The following ZNF662 variants were observed in gnomAD, a reference collection of about 807,000 sequenced individuals.
The protein encoded by ZNF662 is zinc finger protein 662.
A neutral mutation model predicts 12.4 loss-of-function variants in ZNF662; 14 were observed. That is an observed-to-expected ratio of 1.13 (90% CI 0.75 to 1.77). The LOEUF (loss-of-function observed/expected upper bound fraction) is 1.77, where lower values mean the gene tolerates loss of function less well. Among genes scored for constraint, ZNF662 ranks in the 40% most tolerant of loss-of-function variants. ZNF662 has a pLI of 0.00. For missense variants in ZNF662, 550 were observed against 515.6 expected, an observed-to-expected ratio of 1.07 and a Z score of -0.65; for synonymous variants, 184 against 176.4, an observed-to-expected ratio of 1.04 and a Z score of -0.34.
rs1435842041 is a variant in ZNF662, at chr3:42,914,403, C to T, written c.330C>T (p.Val110=). Residue 110 remains valine (V), a synonymous_variant, in exon 5 of 5, where the codon GTC becomes GTT. Transcript: ENST00000440367. ...EIIEEAQDLM[V]LSSGPQWCGS... is the part of the protein sequence containing the mutation. ...TTGAGGAAGCACAGGACCTCATGGT[C>T]CTATCAAGTGGACCCCAGTGGTGTG... 6.2e-7 allele frequency: 1 copy of T among 1,613,854 alleles called. No individual in the cohort carries two copies. The highest frequency in any genetic ancestry group is 1.1e-5 in the South Asian group (1 of 91,044).
In ZNF662 at chr3:42,906,319, G is replaced by T; in HGVS notation, c.-94+151G>T. On this transcript the variant is annotated intron_variant, in intron 1 of 4. Coordinates refer to ENST00000440367, the MANE Select transcript of ZNF662 (RefSeq NM_207404.4). The surrounding 1 kb of genome is among the most constrained non-coding windows in gnomAD (Gnocchi z 4.4). Reference sequence around the variant, plus strand: ...CCAACAGCCTCTGGTCCGGTCTGGCGCGCCCTCGCTTTCCCAGAGGGCGAC... The same window carrying T: ...CCAACAGCCTCTGGTCCGGTCTGGCTCGCCCTCGCTTTCCCAGAGGGCGAC... 6.6e-7 allele frequency: 1 copy of T among 1,524,720 alleles called. No individual in the cohort carries two copies. 94.4% of individuals were successfully genotyped at this position (1,524,720 alleles called of 1,614,324 possible). A position where few individuals can be genotyped will look rare whatever the true frequency, so the allele number is the denominator to read the frequency against.
rs762742557 is a variant in ZNF662 at position 42,908,929 on chromosome 3, CCGGT to C, written c.151+22_151+25del. The C allele has an allele frequency of 1.3e-6, 2 of 1,555,002 alleles. No homozygotes were observed. Among genetic ancestry groups the C allele is most frequent in the South Asian group, 2.3e-5 (2 of 88,686 alleles). On this transcript the variant is annotated intron_variant, in intron 3 of 4. Transcript: ENST00000440367. ...CCTCAGGTGAGTGAGGGCACACGTG[CCGGT>C]CATCTGACCAGTTTTCTTGTCATGA... is the stretch of plus-strand genomic sequence containing the variant.
intron 3 of ZNF662, among the ~76,000 whole-genome samples, chr3:42,912,655 T>TATATATATATTTGTATATATATATAA (rs1559381489): frequency 2.1e-5 from 1 of 46,712 alleles, no homozygotes; most frequent in Non-Finnish European, 3.6e-5. Flanking sequence ...TATATATAAA[T>TATATATATATTTGTATATATATATAA]ATATATATAT....
Position 42,906,296 on chromosome 3 carries a change from A to G in ZNF662, c.-94+128A>G, listed in dbSNP as rs1402598817. On this transcript the variant is annotated intron_variant, in intron 1 of 4. Coordinates refer to ENST00000440367, the MANE Select transcript of ZNF662 (RefSeq NM_207404.4). This position sits in a 1 kb window ranked among gnomAD's most constrained non-coding sequence, Gnocchi z 4.4. ...GTGCAGAGCGCTCTTCCGCGACCCC[A>G]ACAGCCTCTGGTCCGGTCTGGCGCG... is the stretch of plus-strand genomic sequence containing the variant. The G allele has an allele frequency of 1.3e-5, 20 of 1,500,388 alleles. No individual in the cohort carries two copies. The Middle Eastern group carries it at 9.4e-4, about 70-fold the overall frequency. The allele number at this position is 1,500,388 out of a possible 1,614,324, so 92.9% of individuals were successfully genotyped here.
chr3:42,917,651 G>C lies in ZNF662; in HGVS notation c.*2297G>C. The C allele has an allele frequency of 3.0e-6, 2 of 669,230 alleles. No homozygotes were observed. The highest frequency in any genetic ancestry group is 5.3e-6 in the Non-Finnish European group (2 of 374,110). The allele number at this position is 669,230 out of a possible 1,614,324, so 41.5% of individuals were successfully genotyped here. ...AACATCTGTCAAACGAGTTAGAGTTGAGTTTTCTGTTATTTGCAACTTAGC... is the reference window on the plus strand; with the variant it reads ...AACATCTGTCAAACGAGTTAGAGTTCAGTTTTCTGTTATTTGCAACTTAGC... On this transcript the variant is annotated 3_prime_UTR_variant, in exon 5 of 5. Transcript: ENST00000440367.
At chr3:42,912,656 A>ATATATATATTTTTTATATATATAAAT (rs2088828561) in intron 3 of ZNF662, among the ~76,000 whole-genome samples, 2 of 33,866 alleles carry the variant, frequency 5.9e-5, no homozygotes, top group Non-Finnish European at 5.6e-5. Flanking sequence ...ATATATAAAT[A>ATATATATATTTTTTATATATATAAAT]TATATATATA....
chr3:42,913,393 G>A, intron 4 of ZNF662, 91 bp downstream of exon 4: 1 of 1,063,468 alleles, frequency 9.4e-7, no homozygotes, highest in East Asian at 2.4e-5. Flanking sequence ...TGCCATTCAT[G>A]TTCTAAACAA....
intron 2 of ZNF662, 190 bp from the exon 3 acceptor site, chr3:42,908,603 G>A: frequency 7.0e-7 from 1 of 1,438,642 alleles, no homozygotes; most frequent in South Asian, 1.5e-5. Flanking sequence ...TGAGTCGTCT[G>A]TCAACTTCCT....
Position 42,906,287 on chromosome 3 carries a change from C to A in ZNF662, c.-94+119C>A, listed in dbSNP as rs2088677000. The stretch of plus-strand genomic sequence containing the variant: ...CCTGCCCAGGTGCAGAGCGCTCTTC[C>A]GCGACCCCAACAGCCTCTGGTCCGG... On this transcript the variant is annotated intron_variant, in intron 1 of 4. Coordinates refer to ENST00000440367, the MANE Select transcript of ZNF662 (RefSeq NM_207404.4). The surrounding 1 kb of genome is among the most constrained non-coding windows in gnomAD (Gnocchi z 4.4). 1.4e-6 allele frequency: 2 copies of A among 1,475,096 alleles called. No homozygotes were observed. The highest frequency in any genetic ancestry group is 5.3e-5 in the East Asian group (2 of 37,754). 91.4% of individuals were successfully genotyped at this position (1,475,096 alleles called of 1,614,324 possible).
chr3:42,909,520 C>G (rs557664841), intron 3 of ZNF662, among the ~76,000 whole-genome samples: 2 of 152,346 alleles, frequency 1.3e-5, no homozygotes, highest in Non-Finnish European at 2.9e-5. Context: ...ACATTTCCCC[C>G]TTTTCTATTC....
At chr3:42,911,311 G>A (rs1320859809) in intron 3 of ZNF662, among the ~76,000 whole-genome samples, 1 of 152,058 alleles carries the variant, frequency 6.6e-6, no homozygotes, top group East Asian at 1.9e-4. Context: ...AGGAAGTGGA[G>A]TTGGGATACC....
intron 3 of ZNF662, among the ~76,000 whole-genome samples, chr3:42,912,818 C>T (rs562806624): frequency 1.4e-5 from 2 of 145,864 alleles, no homozygotes; most frequent in East Asian, 3.9e-4. Context: ...CGGCTCACTG[C>T]AACCTCTGCC....
rs961696125 is a variant in ZNF662 at position 42,906,437 on chromosome 3, G to C, written c.-94+269G>C. 8 of 1,463,512 alleles carry C rather than the reference G, an allele frequency of 5.5e-6. No individual in the cohort carries two copies. In the African/African-American group the frequency reaches 8.8e-5, roughly 16 times the overall value. The allele number at this position is 1,463,512 out of a possible 1,614,324, so 90.7% of individuals were successfully genotyped here. On this transcript the variant is annotated intron_variant, in intron 1 of 4. Coordinates refer to ENST00000440367, the MANE Select transcript of ZNF662 (RefSeq NM_207404.4). This position sits in a 1 kb window ranked among gnomAD's most constrained non-coding sequence, Gnocchi z 4.4. ...GGACAGCCCGCGCTGCCCCGGGCGC[G>C]CCGGGTGAGTGCGGGGCCGGAGCCT...
rs2088688535 is a variant in ZNF662, at chr3:42,906,839, A to G, written c.-94+671A>G. ...AGGACACAGAACAGGGTGAGGAAAG[A>G]GTTTGGTTTCCCAATGCAATGGTGA... On this transcript the variant is annotated intron_variant, in intron 1 of 4. Coordinates refer to ENST00000440367, the MANE Select transcript of ZNF662 (RefSeq NM_207404.4). The surrounding 1 kb of genome is among the most constrained non-coding windows in gnomAD (Gnocchi z 4.4). Among the ~76,000 whole-genome samples, 2 of 152,202 alleles carry G rather than the reference A, an allele frequency of 1.3e-5. No homozygotes were observed. The highest frequency in any genetic ancestry group is 4.1e-4 in the South Asian group (2 of 4,828).
chr3:42,908,162 C>A lies in ZNF662; in HGVS notation c.34+14C>A. On this transcript the variant is annotated intron_variant, in intron 2 of 4. Transcript: ENST00000440367. ...TGGCTTCCCTGGGTAAGGGTCTCTC[C>A]CTTTGGGCCCTGCCTCCACCCTTGA... 2 of 1,607,956 alleles carry A rather than the reference C, an allele frequency of 1.2e-6. No homozygotes were observed. The highest frequency in any genetic ancestry group is 1.7e-6 in the Non-Finnish European group (2 of 1,175,968).
At chr3:42,908,946 T>C in intron 3 of ZNF662, 37 bp downstream of exon 3, 3 of 1,442,908 alleles carry the variant, frequency 2.1e-6, no homozygotes, top group Non-Finnish European at 2.9e-6. Context: ...TCTGACCAGT[T>C]TTCTTGTCAT....
At chr3:42,913,888 G>A (rs1054964636) in intron 4 of ZNF662, among the ~76,000 whole-genome samples, 1 of 152,012 alleles carries the variant, frequency 6.6e-6, no homozygotes, top group East Asian at 1.9e-4. Flanking sequence ...AAAAGTATGA[G>A]GAAGCTCATT....
rs899036298 is a variant in ZNF662 at position 42,908,502 on chromosome 3, T to A, written c.35-291T>A. 1.7e-4 allele frequency: 211 copies of A among 1,243,724 alleles called. 1 individual carries two copies. Among genetic ancestry groups the A allele is most frequent in the Middle Eastern group, 9.6e-4 (3 of 3,134 alleles). 77.0% of individuals were successfully genotyped at this position (1,243,724 alleles called of 1,614,324 possible). On this transcript the variant is annotated intron_variant, in intron 2 of 4. Transcript: ENST00000440367. ...AGCATCCTCATGAGGATGTCTGAACTTGAGAGCTCTAAGAGGGAGAGGACA... is the reference window on the plus strand; with the variant it reads ...AGCATCCTCATGAGGATGTCTGAACATGAGAGCTCTAAGAGGGAGAGGACA...
intron 4 of ZNF662, among the ~76,000 whole-genome samples, chr3:42,913,521 C>T (rs1023813704): frequency 6.6e-6 from 1 of 152,056 alleles, no homozygotes; most frequent in Non-Finnish European, 1.5e-5. Flanking sequence ...GGGTCTTTTG[C>T]GTTAGACTTA....
Sources: allele counts gnomAD v4.1 joint callset (sites outside exome capture counted in the v4.1 genomes callset), GRCh38; gene constraint gnomAD v4.1.1; non-coding constraint Gnocchi (gnomAD v3.1); transcripts MANE v1.5; gene names NCBI Gene and HGNC (gene_info 2026-07-23, HGNC 2026-07-21).